KCNN2: variants seen among roughly 807,000 people sequenced by gnomAD.
KCNN2 encodes the protein potassium calcium-activated channel subfamily N member 2, also known as small conductance calcium-activated potassium channel protein 2.
Under a neutral mutation model 55.5 loss-of-function variants are expected in KCNN2, and 24 were observed. That is an observed-to-expected ratio of 0.43 (90% CI 0.31 to 0.61). The LOEUF (loss-of-function observed/expected upper bound fraction) is 0.61. Ranked by LOEUF, KCNN2 falls within the 20% of genes least tolerant of loss-of-function variation. KCNN2 has a pLI of 0.08. For missense variants in KCNN2, 754 were observed against 853.6 expected, an observed-to-expected ratio of 0.88 and a Z score of 1.45; for synonymous variants, 431 against 336.1, an observed-to-expected ratio of 1.28 and a Z score of -3.09.
chr5:114,452,662 G>C (rs561841161), intron 3 of KCNN2, among the ~76,000 whole-genome samples: 1 of 152,152 alleles, frequency 6.6e-6, no homozygotes, highest in East Asian at 1.9e-4. Context: ...CACCCCCGGA[G>C]ACCTCAGCTT....
intron 3 of KCNN2, among the ~76,000 whole-genome samples, chr5:114,434,180 A>AT (rs56696315): frequency 0.53 from 80,647 of 150,866 alleles, 23,266 homozygotes; most frequent in East Asian, 0.86. Context: ...TTATACTACT[A>AT]TTTTTTTTCT....
chr5:114,386,537 C>T (rs1758293312), intron 2 of KCNN2, among the ~76,000 whole-genome samples: 1 of 151,986 alleles, frequency 6.6e-6, no homozygotes, highest in African/African-American at 2.4e-5. Context: ...GATTTTTTAT[C>T]TTATTTGCCA....
chr5:114,385,972 A>C (rs1255699936), intron 2 of KCNN2, among the ~76,000 whole-genome samples: 2 of 151,754 alleles, frequency 1.3e-5, no homozygotes, highest in Non-Finnish European at 2.9e-5. Context: ...AGGTCAGGAA[A>C]TCGAGACCAG....
At chr5:114,274,404 T>C (rs1755438137) in intron 2 of KCNN2, among the ~76,000 whole-genome samples, 1 of 152,184 alleles carries the variant, frequency 6.6e-6, no homozygotes, top group African/African-American at 2.4e-5. Flanking sequence ...GGGATAGCAT[T>C]GAATCTATAA....
At chr5:114,213,324 T>G (rs1006675153) in intron 1 of KCNN2, among the ~76,000 whole-genome samples, 1 of 151,694 alleles carries the variant, frequency 6.6e-6, no homozygotes, top group Non-Finnish European at 1.5e-5. Context: ...TAAAAATCTA[T>G]AAAATCTACA....
At chr5:114,087,456 T>C (rs1477996864) in intron 1 of KCNN2, among the ~76,000 whole-genome samples, 1 of 152,120 alleles carries the variant, frequency 6.6e-6, no homozygotes, top group African/African-American at 2.4e-5. Context: ...TTTTTGTATA[T>C]GGTAAAAGGT....
rs1337962918 is a variant in KCNN2 at position 114,250,417 on chromosome 5, T to C, written c.-185+28852T>C. 2.6e-5 allele frequency among the ~76,000 whole-genome samples: 4 copies of C among 152,006 alleles called. No individual in the cohort carries two copies. In the East Asian group the frequency reaches 5.8e-4, roughly 22 times the overall value. On this transcript the variant is annotated intron_variant, in intron 2 of 10. Coordinates refer to the KCNN2 transcript ENST00000512097. ...TGGAAGTGTCCCTTTTATTGAGGAGTAGAGAGTGCTCGCCTAGTGTTGAGC... is the reference window on the plus strand; with the variant it reads ...TGGAAGTGTCCCTTTTATTGAGGAGCAGAGAGTGCTCGCCTAGTGTTGAGC...
chr5:114,475,932 C>T (rs574667008), intron 5 of KCNN2, among the ~76,000 whole-genome samples: 6 of 152,236 alleles, frequency 3.9e-5, no homozygotes, highest in African/African-American at 1.2e-4. Context: ...GAATTGTCAA[C>T]TTATTGCCTG....
At chr5:114,210,957 TA>T (rs954552057) in intron 1 of KCNN2, among the ~76,000 whole-genome samples, 9 of 151,814 alleles carry the variant, frequency 5.9e-5, no homozygotes, top group Admixed American at 2.0e-4. Flanking sequence ...AACAAGCATA[TA>T]AAAAAAGCTC....
At chr5:114,460,181 C>T (rs1761127217) in intron 3 of KCNN2, among the ~76,000 whole-genome samples, 1 of 152,142 alleles carries the variant, frequency 6.6e-6, no homozygotes, top group South Asian at 2.1e-4. Context: ...TCTCTTACTT[C>T]TCTTCGTAGT....
chr5:114,349,501 GT>G (rs1245767418), intron 2 of KCNN2, among the ~76,000 whole-genome samples: 2 of 151,962 alleles, frequency 1.3e-5, no homozygotes, highest in Non-Finnish European at 2.9e-5. Flanking sequence ...TGAATTATGT[GT>G]TTAGACTTGG....
At position 114,101,866 on chromosome 5, in the gene KCNN2, C is replaced by T. The variant is rs6892819; in HGVS notation, c.-271+45366C>T. Reference sequence around the variant, plus strand: ...CATTTGGGTTGGTTCCAAGTCTTTGCTATTGTGAGTAGTGCTGCAATAAAG... The same window carrying T: ...CATTTGGGTTGGTTCCAAGTCTTTGTTATTGTGAGTAGTGCTGCAATAAAG... On this transcript the variant is annotated intron_variant, in intron 1 of 10. Coordinates refer to the KCNN2 transcript ENST00000512097. Among the ~76,000 whole-genome samples, 1,446 of 152,186 alleles carry T rather than the reference C, an allele frequency of 9.5e-3. 9 individuals carry two copies. Among genetic ancestry groups the T allele is most frequent in the Non-Finnish European group, 0.015 (1,033 of 68,006 alleles).
chr5:114,266,659 A>C (rs975377886), intron 2 of KCNN2, among the ~76,000 whole-genome samples: 2 of 152,154 alleles, frequency 1.3e-5, no homozygotes, highest in Non-Finnish European at 2.9e-5. Flanking sequence ...TGCTACAAGA[A>C]ATCCTGGGAC....
intron 1 of KCNN2, among the ~76,000 whole-genome samples, chr5:114,162,593 G>C (rs578214762): frequency 6.6e-6 from 1 of 152,142 alleles, no homozygotes; most frequent in Non-Finnish European, 1.5e-5. Flanking sequence ...GTGCCCTGCC[G>C]CCAGAGTTGG....
At chr5:114,077,428 G>A (rs984462766) in intron 1 of KCNN2, among the ~76,000 whole-genome samples, 1 of 152,188 alleles carries the variant, frequency 6.6e-6, no homozygotes, top group South Asian at 2.1e-4. Flanking sequence ...CTCTAGTAGG[G>A]GCATAGTGTA....
intron 6 of KCNN2, among the ~76,000 whole-genome samples, chr5:114,489,764 T>C (rs1215641754): frequency 6.6e-6 from 1 of 152,162 alleles, no homozygotes; most frequent in African/African-American, 2.4e-5. Flanking sequence ...CAGGGCTCGA[T>C]TCCTAAGGGC....
rs13174407 is a variant in KCNN2 at position 114,471,928 on chromosome 5, T to G, written c.1780-1126T>G. ...TTGAGTAAGCCCAAAGATGGATTCT[T>G]TGGTCTATAACTGAATAGCTAAATC... On this transcript the variant is annotated intron_variant, in intron 4 of 7. Coordinates refer to ENST00000673685, the MANE Select transcript of KCNN2 (RefSeq NM_021614.4). Among the ~76,000 whole-genome samples, 769 of 152,312 alleles carry G rather than the reference T, an allele frequency of 5.0e-3. 2 individuals are homozygous for G. Among genetic ancestry groups the G allele is most frequent in the Non-Finnish European group, 7.0e-3 (475 of 68,020 alleles).
chr5:114,239,562 C>G (rs1188010599), intron 2 of KCNN2, among the ~76,000 whole-genome samples: 1 of 152,204 alleles, frequency 6.6e-6, no homozygotes, highest in Non-Finnish European at 1.5e-5. Context: ...TTCACCCTAT[C>G]TTTATCAGTT....
At chr5:114,346,830 C>A (rs990986171) in intron 2 of KCNN2, among the ~76,000 whole-genome samples, 10 of 148,546 alleles carry the variant, frequency 6.7e-5, no homozygotes, top group Non-Finnish European at 1.0e-4. Context: ...GGGGCTGGGA[C>A]AGAAAAATAC....
Sources: allele counts gnomAD v4.1 joint callset (sites outside exome capture counted in the v4.1 genomes callset), GRCh38; gene constraint gnomAD v4.1.1; transcripts MANE v1.5; gene names NCBI Gene and HGNC (gene_info 2026-07-23, HGNC 2026-07-21).